The following AXL variants were observed in gnomAD, a reference collection of about 807,000 sequenced individuals.
AXL encodes tyrosine-protein kinase receptor UFO.
In AXL, 52 loss-of-function variants were observed where a neutral mutation model predicts 104.5. That is an observed-to-expected ratio of 0.50 (90% CI 0.40 to 0.63). The LOEUF is 0.63. Ranked by LOEUF, AXL falls within the 20% of genes least tolerant of loss-of-function variation. AXL has a pLI of 0.00. For missense variants in AXL, 1,024 were observed against 1,188.5 expected, an observed-to-expected ratio of 0.86 and a Z score of 2.04; for synonymous variants, 455 against 473.7, an observed-to-expected ratio of 0.96 and a Z score of 0.51.
chr19:41,237,643 AT>A (rs1422457532), intron 6 of AXL, among the ~76,000 whole-genome samples: 4 of 152,158 alleles, frequency 2.6e-5, no homozygotes, highest in African/African-American at 4.8e-5. Context: ...TCTTTAAACA[AT>A]CCTGTAAGGC....
At position 41,238,543 on chromosome 19, in the gene AXL, C is replaced by T; in HGVS notation, c.1068C>T (p.Pro356=). The change falls in exon 8 of 20, where the codon CCC becomes CCT. Residue 356 remains proline, a synonymous_variant. Coordinates refer to ENST00000301178, the MANE Select transcript of AXL (RefSeq NM_021913.5). ...GSQAFVHWQE[P]RAPLQGTLLG... The stretch of plus-strand genomic sequence containing the variant: ...AGGCCTTCGTGCATTGGCAAGAGCC[C>T]CGGGCGCCCCTGCAGGGTACCCTGT... The T allele has an allele frequency of 1.2e-6, 2 of 1,613,990 alleles. No individual in the cohort carries two copies. Among genetic ancestry groups the T allele is most frequent in the East Asian group, 2.2e-5 (1 of 44,866 alleles).
intron 14 of AXL, among the ~76,000 whole-genome samples, chr19:41,249,329 C>A (rs1323895247): frequency 1.3e-5 from 2 of 152,092 alleles, no homozygotes; most frequent in African/African-American, 2.4e-5. Flanking sequence ...GTGGCACACG[C>A]CTGTAGTCCC....
At chr19:41,239,815 T>C in intron 10 of AXL, 95 bp downstream of exon 10, 1 of 1,516,460 alleles carries the variant, frequency 6.6e-7, no homozygotes. Flanking sequence ...CCCTTTCATG[T>C]TTCTCTAACT....
At chr19:41,255,633 G>C (rs1180619436) in intron 17 of AXL, among the ~76,000 whole-genome samples, 1 of 151,956 alleles carries the variant, frequency 6.6e-6, no homozygotes, top group Non-Finnish European at 1.5e-5. Context: ...TAGAGACAGG[G>C]TCTTGCTTTG....
chr19:41,221,657 CA>C, intron 3 of AXL: 1 of 562,798 alleles, frequency 1.8e-6, no homozygotes, highest in Admixed American at 3.4e-5. Flanking sequence ...GGAAGAGAGA[CA>C]TGAGGAGCTC....
intron 12 of AXL, 63 bp from the exon 13 acceptor site, chr19:41,248,451 G>C (rs2034306089): frequency 6.8e-7 from 1 of 1,472,038 alleles, no homozygotes; most frequent in South Asian, 1.1e-5. Context: ...CCTACTGGTG[G>C]GTGAATGTCA....
Position 41,243,648 on chromosome 19 carries a change from A to G in AXL, c.1478A>G (p.Glu493Gly). 1 of 1,614,076 alleles carries G rather than the reference A, an allele frequency of 6.2e-7. No homozygotes were observed. The part of the protein sequence containing the change: ...EVFEPTVERG[E>G]LVVRYRVRKS... ...TTTGAACCAACAGTGGAAAGAGGTGAACTGGTAGTCAGGTACCGCGTGCGC... is the reference window on the plus strand; with the variant it reads ...TTTGAACCAACAGTGGAAAGAGGTGGACTGGTAGTCAGGTACCGCGTGCGC... Residue 493 changes from glutamate to glycine, a missense_variant, in exon 12 of 20, where the codon GAA becomes GGA. By Grantham distance (98) the Glu-to-Gly change is moderately conservative (BLOSUM62 -2). Transcript: ENST00000301178.
intron 6 of AXL, among the ~76,000 whole-genome samples, chr19:41,235,938 T>G (rs1380211262): frequency 1.3e-5 from 2 of 152,150 alleles, no homozygotes; most frequent in African/African-American, 4.8e-5. Context: ...GGCTCACGCC[T>G]GTAATCCCAG....
Position 41,248,599 on chromosome 19 carries a change from T to G in AXL, c.1623T>G (p.Thr541=), listed in dbSNP as rs1599739553. 1.9e-6 allele frequency: 3 copies of G among 1,614,088 alleles called. No homozygotes were observed. In the East Asian group the frequency reaches 6.7e-5, roughly 36 times the overall value. Residue 541 remains threonine (T), a synonymous_variant, in exon 13 of 20, where the codon ACT becomes ACG. Transcript: ENST00000301178. The stretch of plus-strand genomic sequence containing the variant: ...GGCACAAGGTGGCCCTGGGGAAGAC[T>G]CTGGGAGAGGGTGAGTCCCCCGGCA... ...VDRHKVALGK[T]LGEGEFGAVM...
At chr19:41,221,428 AG>A in intron 3 of AXL, 182 bp downstream of exon 3, 1 of 578,126 alleles carries the variant, frequency 1.7e-6, no homozygotes, top group South Asian at 2.3e-5. Context: ...AGTCCATATA[AG>A]TTATGGTGCC....
rs146774960 is a variant in AXL at position 41,231,101 on chromosome 19, G to C, written c.667+54G>C. The C allele has an allele frequency of 2.0e-4, 319 of 1,611,618 alleles. 2 individuals are homozygous for C. The African/African-American group carries it at 3.7e-3, about 19-fold the overall frequency. ...GCGTCAGAGGGTGGGGTTTGGGTCC[G>C]GGGTCAGAGTGGGGGCAGAGAGCAG... On this transcript the variant is annotated intron_variant, in intron 5 of 19. Coordinates refer to ENST00000301178, the MANE Select transcript of AXL (RefSeq NM_021913.5).
chr19:41,253,980 G>A (rs1245285820), intron 17 of AXL, among the ~76,000 whole-genome samples: 7 of 151,938 alleles, frequency 4.6e-5, no homozygotes, highest in Admixed American at 2.6e-4. Context: ...GGGCTGAGGT[G>A]ACCGATGGGG....
chr19:41,246,824 GGT>G (rs749326954), intron 12 of AXL, among the ~76,000 whole-genome samples: 68,520 of 152,116 alleles, frequency 0.45, 16,397 homozygotes, highest in African/African-American at 0.61. Flanking sequence ...CAAGTTGCTG[GGT>G]GAACCACTGT....
intron 6 of AXL, among the ~76,000 whole-genome samples, chr19:41,236,282 G>A (rs775753379): frequency 1.4e-4 from 21 of 146,694 alleles, no homozygotes; most frequent in Non-Finnish European, 2.2e-4. Context: ...GCAGTGAGCC[G>A]AGATTGTACC....
chr19:41,232,004 A>G (rs1270238956), intron 6 of AXL, among the ~76,000 whole-genome samples: 4 of 152,126 alleles, frequency 2.6e-5, no homozygotes, highest in Admixed American at 6.5e-5. Context: ...TTTCAGTATT[A>G]GTGATGTTAA....
chr19:41,248,934 T>A (rs2034316455), intron 14 of AXL, 114 bp downstream of exon 14: 2 of 1,073,378 alleles, frequency 1.9e-6, no homozygotes, highest in African/African-American at 3.2e-5. Context: ...AGATAGGCAA[T>A]GGAGCCCCTG....
Position 41,239,834 on chromosome 19 carries a change from T to C in AXL, c.1312+114T>C. On this transcript the variant is annotated intron_variant, in intron 10 of 19. Transcript: ENST00000301178. ...TTCATGTTTCTCTAACTCATCACTC[T>C]AACCTACTTCTTGAGTTTGTGTGGT... 4 of 1,434,086 alleles carry C rather than the reference T, an allele frequency of 2.8e-6. No homozygotes were observed. In the East Asian group the frequency reaches 9.1e-5, roughly 33 times the overall value. The allele number at this position is 1,434,086 out of a possible 1,614,324, so 88.8% of individuals were successfully genotyped here. A position where few individuals can be genotyped will look rare whatever the true frequency, so the allele number is the denominator to read the frequency against.
chr19:41,221,293 G>C, intron 3 of AXL, 47 bp downstream of exon 3: 1 of 1,548,484 alleles, frequency 6.5e-7, no homozygotes, highest in South Asian at 1.2e-5. Flanking sequence ...GACATGTGGC[G>C]CTCATAGGTT....
At chr19:41,228,239 C>A (rs1043264926) in intron 4 of AXL, among the ~76,000 whole-genome samples, 3 of 152,114 alleles carry the variant, frequency 2.0e-5, no homozygotes, top group East Asian at 1.9e-4. Flanking sequence ...GGAGGGAAGG[C>A]AATCCACCTT....
Sources: gnomAD v4.1 joint callset for allele counts (sites outside exome capture counted in the v4.1 genomes callset) on GRCh38, gnomAD v4.1.1 for gene constraint, MANE v1.5 for transcripts, NCBI Gene and HGNC (gene_info 2026-07-23, HGNC 2026-07-21) for gene names.